PSPH: variants seen among roughly 807,000 people sequenced by gnomAD.
The protein encoded by PSPH is L-3-phosphoserine phosphatase.
A neutral mutation model predicts 23.4 loss-of-function variants in PSPH; 16 were observed. The observed-to-expected ratio is 0.68, with a 90% CI of 0.46 to 1.04. The LOEUF (loss-of-function observed/expected upper bound fraction) is 1.04. PSPH is among the 50% of genes least tolerant of loss of function. PSPH has a pLI of 0.00. For synonymous variants in PSPH, 68 were observed against 99.7 expected (o/e 0.68, Z 1.89); for missense variants, 223 against 273.7 (o/e 0.81, Z 1.31).
chr7:56,048,914 T>A (rs1443788396), intron 1 of PSPH, among the ~76,000 whole-genome samples: 1 of 151,800 alleles, frequency 6.6e-6, no homozygotes, highest in Non-Finnish European at 1.5e-5. Flanking sequence ...CTCTAGGGTT[T>A]TTTTGGTGGT....
chr7:56,033,840 G>A (rs1380199331), intron 2 of PSPH, 121 bp downstream of exon 2: 3 of 152,216 alleles, frequency 2.0e-5, no homozygotes, highest in Non-Finnish European at 4.4e-5. Context: ...GAGATTTTAG[G>A]AAATGATCTG....
intron 5 of PSPH, 132 bp from the exon 6 acceptor site, chr7:56,017,511 G>C: frequency 6.7e-7 from 1 of 1,499,020 alleles, no homozygotes. Context: ...TGTTTGACAA[G>C]GTATACTGCC....
At chr7:56,041,406 T>C (rs1484380501) in intron 1 of PSPH, among the ~76,000 whole-genome samples, 1 of 150,980 alleles carries the variant, frequency 6.6e-6, no homozygotes, top group Admixed American at 6.6e-5. Flanking sequence ...AGAGATGGGG[T>C]TTCACCATGT....
chr7:56,037,960 G>A (rs1194076633), intron 1 of PSPH, among the ~76,000 whole-genome samples: 2 of 151,442 alleles, frequency 1.3e-5, no homozygotes, highest in East Asian at 2.0e-4. Context: ...TGATCCACTC[G>A]CCTTGGCCTC....
Position 56,050,014 on chromosome 7 carries a change from G to C in PSPH, c.-292+1124C>G, listed in dbSNP as rs4427122. Among the ~76,000 whole-genome samples the C allele has an allele frequency of 6.6e-5, 10 of 152,074 alleles. No homozygotes were observed. In the South Asian group the frequency reaches 1.5e-3, roughly 22 times the overall value. ...GCTTCCCAAAGTACTGGGATTACAAGCGTGCGCCACCATGCTTGGCCTCCT... is the reference window on the plus strand; with the variant it reads ...GCTTCCCAAAGTACTGGGATTACAACCGTGCGCCACCATGCTTGGCCTCCT... On this transcript the variant is annotated intron_variant, in intron 1 of 7. Transcript: ENST00000275605.
intron 1 of PSPH, among the ~76,000 whole-genome samples, chr7:56,041,193 A>ATC (rs934000508): frequency 5.6e-4 from 83 of 146,922 alleles, no homozygotes; most frequent in African/African-American, 1.4e-3. Flanking sequence ...GCAAGACTCT[A>ATC]TCTCTCTCTC....
chr7:56,046,596 C>G (rs1793274480), intron 1 of PSPH, among the ~76,000 whole-genome samples: 1 of 151,934 alleles, frequency 6.6e-6, no homozygotes, highest in Non-Finnish European at 1.5e-5. Context: ...ACCAGCCTGG[C>G]CAACATGGTG....
chr7:56,024,558 C>T (rs1340742201), intron 3 of PSPH, among the ~76,000 whole-genome samples: 1 of 151,906 alleles, frequency 6.6e-6, no homozygotes, highest in Non-Finnish European at 1.5e-5. Context: ...CCTATCTGGG[C>T]AACATACCAA....
chr7:56,032,388 T>A (rs182900655), intron 2 of PSPH, among the ~76,000 whole-genome samples: 1 of 152,020 alleles, frequency 6.6e-6, no homozygotes, highest in African/African-American at 2.4e-5. Context: ...TGGGCGGGCA[T>A]GATGGCTCAC....
intron 5 of PSPH, 141 bp downstream of exon 5, chr7:56,019,459 A>G: frequency 1.0e-6 from 1 of 1,002,936 alleles, no homozygotes; most frequent in South Asian, 2.4e-5. Context: ...AATTTAAAAA[A>G]ATAATTAAAA....
intron 7 of PSPH, 131 bp downstream of exon 7, chr7:56,014,892 G>T: frequency 2.1e-6 from 2 of 944,820 alleles, no homozygotes; most frequent in Non-Finnish European, 3.0e-6. Flanking sequence ...GCAGTAAGCT[G>T]AGATCACGCC....
chr7:56,049,201 G>A (rs1219754589), intron 1 of PSPH, among the ~76,000 whole-genome samples: 2 of 151,796 alleles, frequency 1.3e-5, no homozygotes, highest in African/African-American at 4.8e-5. Flanking sequence ...TGGGATTACA[G>A]GCATAAGCCA....
At chr7:56,038,209 A>C (rs1208701417) in intron 1 of PSPH, among the ~76,000 whole-genome samples, 23 of 147,232 alleles carry the variant, frequency 1.6e-4, no homozygotes, top group Non-Finnish European at 2.7e-4. Context: ...GAGGCCGAGG[A>C]GGGCAGATCA....
intron 3 of PSPH, among the ~76,000 whole-genome samples, chr7:56,031,401 T>G (rs190778409): frequency 2.2e-4 from 33 of 152,302 alleles, no homozygotes; most frequent in Non-Finnish European, 4.1e-4. Context: ...AACCTGCACA[T>G]GTACTCCTTA....
chr7:56,035,034 G>A (rs1390259633), intron 1 of PSPH, among the ~76,000 whole-genome samples: 1 of 152,040 alleles, frequency 6.6e-6, no homozygotes, highest in East Asian at 1.9e-4. Flanking sequence ...ACCGCGCCCG[G>A]CCTATTTCTT....
chr7:56,018,658 T>C (rs1484072271), intron 5 of PSPH, among the ~76,000 whole-genome samples: 2 of 151,380 alleles, frequency 1.3e-5, no homozygotes, highest in Non-Finnish European at 2.9e-5. Flanking sequence ...AAGACCCCCA[T>C]CTCTACAAAA....
At chr7:56,024,448 T>C (rs937061753) in intron 3 of PSPH, among the ~76,000 whole-genome samples, 2 of 152,142 alleles carry the variant, frequency 1.3e-5, no homozygotes, top group African/African-American at 4.8e-5. Flanking sequence ...TAAAAACTAA[T>C]GAAATTCAAA....
At position 56,048,375 on chromosome 7, in the gene PSPH, A is replaced by C. The variant is rs138017696; in HGVS notation, c.-292+2763T>G. 2.1e-4 allele frequency among the ~76,000 whole-genome samples: 32 copies of C among 152,298 alleles called. No homozygotes were observed. In the East Asian group the frequency reaches 4.2e-3, roughly 20 times the overall value. Reference sequence around the variant, plus strand: ...TAAAATAACTGGCCAGTATTCAAAAAAATGCCAAGATCATTAAAGACTGAA... The same window carrying C: ...TAAAATAACTGGCCAGTATTCAAAACAATGCCAAGATCATTAAAGACTGAA... On this transcript the variant is annotated intron_variant, in intron 1 of 7. Coordinates refer to ENST00000275605, the MANE Select transcript of PSPH (RefSeq NM_004577.4).
chr7:56,051,015 T>C (rs561900056), intron 1 of PSPH, 123 bp downstream of exon 1: 2 of 152,132 alleles, frequency 1.3e-5, no homozygotes, highest in Non-Finnish European at 2.9e-5. Flanking sequence ...CTGGGCAACA[T>C]AGTGAGACCC....
Sources: allele counts gnomAD v4.1 joint callset (sites outside exome capture counted in the v4.1 genomes callset), GRCh38; gene constraint gnomAD v4.1.1; transcripts MANE v1.5; gene names NCBI Gene and HGNC (gene_info 2026-07-23, HGNC 2026-07-21).